LRRC20: variants seen among roughly 807,000 people sequenced by gnomAD.
LRRC20 encodes leucine rich repeat containing 20, also known as leucine-rich repeat-containing protein 20.
A neutral mutation model predicts 14.4 loss-of-function variants in LRRC20; 11 were observed. The observed-to-expected ratio is 0.77, with a 90% confidence interval of 0.48 to 1.27. The LOEUF is 1.27. Ranked by LOEUF, LRRC20 falls within the 50% of genes most tolerant of loss-of-function variation. LRRC20 has a pLI of 0.00. For missense variants in LRRC20, 219 were observed against 251.2 expected, an observed-to-expected ratio of 0.87 and a Z score of 0.87; for synonymous variants, 121 against 107.3, an observed-to-expected ratio of 1.13 and a Z score of -0.79.
At chr10:70,346,002 T>C (rs1843060018) in intron 2 of LRRC20, among the ~76,000 whole-genome samples, 1 of 152,092 alleles carries the variant, frequency 6.6e-6, no homozygotes. Flanking sequence ...TGGCTCACAC[T>C]GTAATCCCAT....
intron 2 of LRRC20, among the ~76,000 whole-genome samples, chr10:70,367,850 A>G (rs7902432): frequency 0.96 from 145,488 of 151,348 alleles, 70,178 homozygotes; most frequent in East Asian, 1. Context: ...AATACATAAG[A>G]TCAAGGCATG....
intron 3 of LRRC20, among the ~76,000 whole-genome samples, chr10:70,330,921 C>T (rs1842511481): frequency 6.6e-6 from 1 of 152,236 alleles, no homozygotes; most frequent in African/African-American, 2.4e-5. Context: ...CAGGTGACCA[C>T]ACCACCTGCT....
Position 70,340,541 on chromosome 10 carries a change from A to G in LRRC20, c.232+12T>C, listed in dbSNP as rs1303275921. The G allele has an allele frequency of 3.1e-6, 5 of 1,613,826 alleles. No homozygotes were observed. Among genetic ancestry groups the G allele is most frequent in the Non-Finnish European group, 4.2e-6 (5 of 1,179,972 alleles). The stretch of plus-strand genomic sequence containing the variant: ...GGCCATGCCCTCCTGGCTGGAGCTG[A>G]CCAGGGCCTACCTCGGAGCTGACTG... On this transcript the variant is annotated intron_variant, in intron 3 of 4. Transcript: ENST00000446961.
At chr10:70,318,646 T>C (rs1442433195) in intron 4 of LRRC20, among the ~76,000 whole-genome samples, 5 of 151,632 alleles carry the variant, frequency 3.3e-5, no homozygotes, top group Non-Finnish European at 7.4e-5. Context: ...TCCAGGTACT[T>C]GAGAGGCTGA....
chr10:70,327,405 T>C (rs1194543588), intron 3 of LRRC20, among the ~76,000 whole-genome samples: 1 of 151,810 alleles, frequency 6.6e-6, no homozygotes, highest in Non-Finnish European at 1.5e-5. Flanking sequence ...TGAAACCCCA[T>C]CTCTATTAAA....
In LRRC20 at chr10:70,345,421, T is replaced by A. The variant is rs10999282; in HGVS notation, c.83-4719A>T. 8.2e-4 allele frequency among the ~76,000 whole-genome samples: 124 copies of A among 151,514 alleles called. 1 individual carries two copies. The East Asian group carries it at 0.023, about 28-fold the overall frequency. ...TCTTAAGTGAGGATGACTTCCCAAA[T>A]CTAGGAGCATAACAGAATCACAAAG... On this transcript the variant is annotated intron_variant, in intron 2 of 4. Transcript: ENST00000446961.
intron 2 of LRRC20, among the ~76,000 whole-genome samples, chr10:70,363,898 G>T (rs75198858): frequency 0.021 from 3,213 of 152,272 alleles, 98 homozygotes; most frequent in African/African-American, 0.073. Context: ...TCTCCTTACA[G>T]AGGAGCTCAG....
intron 2 of LRRC20, among the ~76,000 whole-genome samples, chr10:70,372,068 C>T (rs1307221345): frequency 1.3e-5 from 2 of 151,568 alleles, no homozygotes; most frequent in Non-Finnish European, 2.9e-5. Flanking sequence ...TGGAGCACCA[C>T]CCCGGGAGGG....
At chr10:70,354,346 A>G (rs1390069899) in intron 2 of LRRC20, among the ~76,000 whole-genome samples, 1 of 152,080 alleles carries the variant, frequency 6.6e-6, no homozygotes, top group African/African-American at 2.4e-5. Flanking sequence ...CTGATGCCAC[A>G]TGTCTAGGTG....
chr10:70,364,118 G>C (rs1284116308), intron 2 of LRRC20, among the ~76,000 whole-genome samples: 2 of 152,216 alleles, frequency 1.3e-5, no homozygotes, highest in African/African-American at 2.4e-5. Flanking sequence ...TCTCAGAGCT[G>C]GACTGTGCCA....
chr10:70,367,252 G>A (rs956579816), intron 2 of LRRC20, among the ~76,000 whole-genome samples: 3 of 150,840 alleles, frequency 2.0e-5, no homozygotes, highest in Non-Finnish European at 3.0e-5. Context: ...TGAGCCCAGG[G>A]GGCGGAGGCT....
intron 2 of LRRC20, 100 bp downstream of exon 2, chr10:70,376,352 G>T: frequency 8.7e-7 from 1 of 1,149,308 alleles, no homozygotes; most frequent in Non-Finnish European, 1.3e-6. Context: ...CTCAGGATGA[G>T]GTTGCACACT....
chr10:70,321,063 C>T (rs1216367538), intron 4 of LRRC20, among the ~76,000 whole-genome samples: 1 of 152,168 alleles, frequency 6.6e-6, no homozygotes, highest in Non-Finnish European at 1.5e-5. Context: ...TCACTTGGGT[C>T]TTGTTTCAGA....
chr10:70,337,416 G>A (rs1318511671), intron 3 of LRRC20, among the ~76,000 whole-genome samples: 1 of 152,214 alleles, frequency 6.6e-6, no homozygotes, highest in Non-Finnish European at 1.5e-5. Flanking sequence ...TCAATTAGCA[G>A]GCACTTTGTG....
chr10:70,341,734 C>T (rs867444910), intron 2 of LRRC20, among the ~76,000 whole-genome samples: 1 of 152,148 alleles, frequency 6.6e-6, no homozygotes, highest in African/African-American at 2.4e-5. Context: ...TACCACTGCA[C>T]ACCAGCCTGG....
At chr10:70,363,724 G>T (rs1398192575) in intron 2 of LRRC20, among the ~76,000 whole-genome samples, 2 of 152,158 alleles carry the variant, frequency 1.3e-5, no homozygotes, top group Non-Finnish European at 2.9e-5. Context: ...AGGGAAGAAA[G>T]CCCTCCCCAG....
At chr10:70,348,155 AC>A (rs1188414752) in intron 2 of LRRC20, among the ~76,000 whole-genome samples, 1 of 152,090 alleles carries the variant, frequency 6.6e-6, no homozygotes, top group African/African-American at 2.4e-5. Context: ...CCAAGCTCCT[AC>A]CCAGAACAGC....
At chr10:70,338,963 G>A (rs564891528) in intron 3 of LRRC20, among the ~76,000 whole-genome samples, 7 of 151,656 alleles carry the variant, frequency 4.6e-5, no homozygotes, top group Non-Finnish European at 8.9e-5. Flanking sequence ...ACCTGGCAAC[G>A]TGGACATATG....
chr10:70,325,546 CCT>C (rs1481317882), intron 3 of LRRC20, among the ~76,000 whole-genome samples: 2 of 152,338 alleles, frequency 1.3e-5, no homozygotes, highest in East Asian at 1.9e-4. Flanking sequence ...CTTACCCACC[CCT>C]GAGCTAGGCA....
Sources: allele counts gnomAD v4.1 joint callset (sites outside exome capture counted in the v4.1 genomes callset), GRCh38; gene constraint gnomAD v4.1.1; transcripts MANE v1.5; gene names NCBI Gene and HGNC (gene_info 2026-07-23, HGNC 2026-07-21).